The following THSD7A variants were observed in gnomAD, a reference collection of about 807,000 sequenced individuals.
The protein encoded by THSD7A is thrombospondin type 1 domain containing 7A, also known as thrombospondin type-1 domain-containing protein 7A.
Under a neutral mutation model 231.3 loss-of-function variants are expected in THSD7A, and 96 were observed. The ratio of observed to expected loss-of-function variants is 0.41; its 90% confidence interval spans 0.35 to 0.49. THSD7A has a LOEUF of 0.49. Ranked by LOEUF, THSD7A falls within the 20% of genes least tolerant of loss-of-function variation. The pLI is 0.05. For synonymous variants in THSD7A, 940 were observed against 743.3 expected (o/e 1.26, Z -4.30); for missense variants, 2,290 against 2,070.2 (o/e 1.11, Z -2.06).
intron 4 of THSD7A, among the ~76,000 whole-genome samples, chr7:11,568,421 C>G (rs1002830568): frequency 6.6e-6 from 1 of 151,780 alleles, no homozygotes; most frequent in Non-Finnish European, 1.5e-5. Flanking sequence ...GTCAGGAGAT[C>G]GAGACCATCC....
intron 6 of THSD7A, among the ~76,000 whole-genome samples, chr7:11,486,680 C>T (rs1055667396): frequency 1.3e-5 from 2 of 152,172 alleles, no homozygotes; most frequent in African/African-American, 4.8e-5. Context: ...TAGAATCCTC[C>T]TTATGCTTCT....
intron 4 of THSD7A, among the ~76,000 whole-genome samples, chr7:11,575,042 T>C (rs982829474): frequency 6.6e-6 from 1 of 152,174 alleles, no homozygotes; most frequent in African/African-American, 2.4e-5. Context: ...TGTACGTCCA[T>C]ATTATATAAT....
intron 4 of THSD7A, among the ~76,000 whole-genome samples, chr7:11,559,399 G>T (rs902581294): frequency 2.0e-4 from 31 of 152,116 alleles, no homozygotes; most frequent in African/African-American, 7.5e-4. Context: ...ATGTAAGTTG[G>T]TGGAGGGTTA....
chr7:11,466,598 G>A (rs889704043), intron 9 of THSD7A, among the ~76,000 whole-genome samples: 2 of 151,872 alleles, frequency 1.3e-5, no homozygotes, highest in Non-Finnish European at 2.9e-5. Flanking sequence ...TTTAAAAATC[G>A]GAGTGCCTAG....
chr7:11,650,724 G>C (rs997997491), intron 1 of THSD7A, among the ~76,000 whole-genome samples: 1 of 152,082 alleles, frequency 6.6e-6, no homozygotes, highest in Non-Finnish European at 1.5e-5. Flanking sequence ...AGCCACAAGA[G>C]TGAGCGAAGG....
intron 23 of THSD7A, among the ~76,000 whole-genome samples, chr7:11,386,992 G>C (rs1347718413): frequency 1.3e-5 from 2 of 152,066 alleles, no homozygotes; most frequent in Non-Finnish European, 2.9e-5. Context: ...GATTGTTTTT[G>C]TCAGGTTTGT....
chr7:11,738,211 T>G (rs188947315), intron 1 of THSD7A, among the ~76,000 whole-genome samples: 2 of 151,978 alleles, frequency 1.3e-5, no homozygotes, highest in Non-Finnish European at 2.9e-5. Flanking sequence ...TGGCACTATA[T>G]TGATTGAGCA....
chr7:11,587,892 A>C (rs73290834), intron 4 of THSD7A, among the ~76,000 whole-genome samples: 2 of 152,150 alleles, frequency 1.3e-5, no homozygotes, highest in African/African-American at 4.8e-5. Context: ...TTTTTGAGTT[A>C]AAGTATTTTG....
chr7:11,565,260 T>A (rs946096336), intron 4 of THSD7A, among the ~76,000 whole-genome samples: 1 of 152,236 alleles, frequency 6.6e-6, no homozygotes, highest in Non-Finnish European at 1.5e-5. Context: ...GAAATCATAA[T>A]CCTTGTTTCA....
intron 1 of THSD7A, among the ~76,000 whole-genome samples, chr7:11,766,373 C>T (rs927226182): frequency 2.0e-5 from 3 of 152,156 alleles, no homozygotes; most frequent in South Asian, 2.1e-4. Context: ...TAGAATTTTG[C>T]AAAATGTAGA....
chr7:11,481,335 C>T lies in THSD7A; in HGVS notation c.2017+453G>A, dbSNP rs185334994. Among the ~76,000 whole-genome samples the T allele has an allele frequency of 5.3e-5, 8 of 152,048 alleles. 1 individual carries two copies. In the South Asian group the frequency reaches 1.7e-3, roughly 32 times the overall value. The stretch of plus-strand genomic sequence containing the variant: ...GAAACTGAAAATTGCAATTTTTGGT[C>T]GAACAGTAGCTATTCTTGTGATTTT... On this transcript the variant is annotated intron_variant, in intron 7 of 27. Coordinates refer to ENST00000423059, the MANE Select transcript of THSD7A (RefSeq NM_015204.3).
intron 4 of THSD7A, among the ~76,000 whole-genome samples, chr7:11,585,748 C>T (rs1036514747): frequency 2.6e-5 from 4 of 152,076 alleles, no homozygotes; most frequent in African/African-American, 9.7e-5. Flanking sequence ...AACACACCAT[C>T]CCATCTCAGG....
chr7:11,508,626 C>T (rs554208634), intron 6 of THSD7A, among the ~76,000 whole-genome samples: 18 of 152,122 alleles, frequency 1.2e-4, no homozygotes, highest in Non-Finnish European at 2.5e-4. Context: ...ATCAGGATGT[C>T]AAAGAGATAT....
At chr7:11,794,680 T>G (rs1256461106) in intron 1 of THSD7A, among the ~76,000 whole-genome samples, 1 of 152,012 alleles carries the variant, frequency 6.6e-6, no homozygotes, top group Non-Finnish European at 1.5e-5. Context: ...GAATCAATAA[T>G]GAGGGGCTCA....
rs1785201120 is a variant in THSD7A, at chr7:11,831,792, T to G, written c.155A>C (p.Glu52Ala). 1.4e-6 allele frequency: 2 copies of G among 1,476,408 alleles called. No homozygotes were observed. The highest frequency in any genetic ancestry group is 1.8e-6 in the Non-Finnish European group (2 of 1,110,606). 91.5% of individuals were successfully genotyped at this position (1,476,408 alleles called of 1,614,324 possible). ...CAGATAGAGGGTGGGCGCCTCCGCC[T>G]CGCCCTGCGCCGCAGCCCTGCCGGC... is the stretch of plus-strand genomic sequence containing the variant. ...PGAGRAAAQG[E>A]AEAPTLYLWK... The change falls in exon 1 of 28, where the codon GAG becomes GCG. Residue 52 changes from glutamate (E) to alanine (A), a missense_variant. By Grantham distance (107) the Glu-to-Ala change is moderately radical. Coordinates refer to ENST00000423059, the MANE Select transcript of THSD7A (RefSeq NM_015204.3). The surrounding 1 kb of genome is among the most constrained non-coding windows in gnomAD (Gnocchi z 5.0).
Position 11,590,666 on chromosome 7 carries a change from A to G in THSD7A, c.1272-25T>C, listed in dbSNP as rs371403728. ...CCTAAATAAAGACAACACCACCAGC[A>G]GCAACCATAATTATTGAATGACGTG... On this transcript the variant is annotated intron_variant, in intron 3 of 27. Transcript: ENST00000423059. This position sits in a 1 kb window ranked among gnomAD's most constrained non-coding sequence, Gnocchi z 4.4. 23 of 1,575,354 alleles carry G rather than the reference A, an allele frequency of 1.5e-5. No homozygotes were observed. The highest frequency in any genetic ancestry group is 1.6e-5 in the Non-Finnish European group (19 of 1,161,162).
chr7:11,507,281 A>G (rs528363348), intron 6 of THSD7A, among the ~76,000 whole-genome samples: 1 of 152,292 alleles, frequency 6.6e-6, no homozygotes, highest in South Asian at 2.1e-4. Context: ...GGGTGAGTTC[A>G]TGTTAAATTT....
At chr7:11,754,043 A>G (rs1307191710) in intron 1 of THSD7A, among the ~76,000 whole-genome samples, 1 of 152,050 alleles carries the variant, frequency 6.6e-6, no homozygotes, top group Non-Finnish European at 1.5e-5. Context: ...TACTTAGAAG[A>G]TACATAAAGA....
At chr7:11,609,275 C>T (rs762151383) in intron 2 of THSD7A, among the ~76,000 whole-genome samples, 1 of 152,152 alleles carries the variant, frequency 6.6e-6, no homozygotes, top group African/African-American at 2.4e-5. Flanking sequence ...ATTATCTTTA[C>T]AGCTCCTGGA....
Sources: allele counts gnomAD v4.1 joint callset (sites outside exome capture counted in the v4.1 genomes callset), GRCh38; gene constraint gnomAD v4.1.1; non-coding constraint Gnocchi (gnomAD v3.1); transcripts MANE v1.5; gene names NCBI Gene and HGNC (gene_info 2026-07-23, HGNC 2026-07-21).